Variants in OSMR observed in about 807,000 individuals in gnomAD.
OSMR encodes the protein oncostatin-M-specific receptor subunit beta.
In OSMR, 81 loss-of-function variants were observed where a neutral mutation model predicts 99.9. That is an observed-to-expected ratio of 0.81 (90% CI 0.68 to 0.97). The LOEUF is 0.97. OSMR is among the 50% of genes least tolerant of loss of function. The pLI is 0.00. For missense variants in OSMR, 1,099 were observed against 1,153.4 expected, an observed-to-expected ratio of 0.95 and a Z score of 0.68; for synonymous variants, 406 against 410.4, an observed-to-expected ratio of 0.99 and a Z score of 0.13.
In OSMR at chr5:38,933,397, AGCC is replaced by A; in HGVS notation, c.2894_2896del (p.Ser965_Leu966delinsIle). The stretch of plus-strand genomic sequence containing the variant: ...CTTGCCTCCCCCGACCGAGAATAGC[AGCC>A]TCTCCTCAATTACCCTTTTAGATCC... On this transcript the variant is annotated inframe_deletion, in exon 18 of 18. Transcript: ENST00000274276. 6.2e-7 allele frequency: 1 copy of A among 1,614,014 alleles called. No homozygotes were observed. The highest frequency in any genetic ancestry group is 8.5e-7 in the Non-Finnish European group (1 of 1,179,898).
In OSMR at chr5:38,860,005, G is replaced by A. The variant is rs189926157; in HGVS notation, c.-13-9027G>A. 5.8e-3 allele frequency among the ~76,000 whole-genome samples: 883 copies of A among 152,206 alleles called. 16 individuals carry two copies. The highest frequency in any genetic ancestry group is 0.02 in the African/African-American group (847 of 41,542). ...GGAGTCTAGGTTTTTATATATACAA[G>A]ATCATGACATCTGTAAATGGGGACA... On this transcript the variant is annotated intron_variant, in intron 1 of 17. Coordinates refer to ENST00000274276, the MANE Select transcript of OSMR (RefSeq NM_003999.3).
At chr5:38,876,157 G>A in intron 2 of OSMR, 44 bp from the exon 3 acceptor site, 30 of 1,588,404 alleles carry the variant, frequency 1.9e-5, no homozygotes, top group Non-Finnish European at 2.5e-5. Context: ...CTTCAATCAT[G>A]CTCCTATTAA....
At chr5:38,913,549 CAAA>C (rs528979345) in intron 9 of OSMR, among the ~76,000 whole-genome samples, 51,314 of 123,198 alleles carry the variant, frequency 0.42, 9,227 homozygotes, top group Middle Eastern at 0.5. Context: ...GACTCCATCT[CAAA>C]AAAAAAAAAA....
chr5:38,851,803 C>A (rs140189876), intron 1 of OSMR, among the ~76,000 whole-genome samples: 1 of 152,150 alleles, frequency 6.6e-6, no homozygotes, highest in Admixed American at 6.5e-5. Context: ...GAACCCAGTA[C>A]GAGATAACGG....
intron 9 of OSMR, among the ~76,000 whole-genome samples, chr5:38,914,658 A>G (rs1745796789): frequency 6.6e-6 from 1 of 152,232 alleles, no homozygotes. Flanking sequence ...CCATGGAATA[A>G]ATAATGAAAT....
At chr5:38,925,885 T>A (rs534185099) in intron 15 of OSMR, among the ~76,000 whole-genome samples, 33 of 152,256 alleles carry the variant, frequency 2.2e-4, no homozygotes, top group African/African-American at 7.5e-4. Context: ...GGGGTGGGAA[T>A]TGAGCAGGGG....
intron 8 of OSMR, 146 bp downstream of exon 8, chr5:38,904,170 A>G (rs978863837): frequency 6.5e-7 from 1 of 1,526,852 alleles, no homozygotes; most frequent in Non-Finnish European, 8.8e-7. Flanking sequence ...CATGAAATTA[A>G]TCATACACTT....
In OSMR at chr5:38,884,018, C is replaced by A; in HGVS notation, c.610C>A (p.Pro204Thr). The A allele has an allele frequency of 6.2e-7, 1 of 1,613,286 alleles. No individual in the cohort carries two copies. ...AACTGCATTCAACTTGAATAGTGTGCCTTTCATTAGGAATAAAGGGACAAA... is the reference window on the plus strand; with the variant it reads ...AACTGCATTCAACTTGAATAGTGTGACTTTCATTAGGAATAAAGGGACAAA... ...HVTAFNLNSV[P>T]FIRNKGTNIY... The change falls in exon 5 of 18, where the codon CCT (proline) becomes ACT (threonine). Residue 204 changes from proline (P) to threonine (T), a missense_variant. Physicochemically the swap from Pro to Thr is conservative, Grantham distance 38 (BLOSUM62 -1). Coordinates refer to ENST00000274276, the MANE Select transcript of OSMR (RefSeq NM_003999.3).
At chr5:38,885,852 C>T in intron 6 of OSMR, 187 bp from the exon 7 acceptor site, 2 of 982,774 alleles carry the variant, frequency 2.0e-6, no homozygotes, top group Non-Finnish European at 1.2e-6. Context: ...GACATTTCAG[C>T]ACGTATGTCA....
chr5:38,919,524 C>A, intron 11 of OSMR: 4 of 364,060 alleles, frequency 1.1e-5, no homozygotes, highest in Non-Finnish European at 2.0e-5. Context: ...CAGACTCTGC[C>A]AACTTTGTAG....
At chr5:38,870,174 T>C (rs183518646) in intron 2 of OSMR, among the ~76,000 whole-genome samples, 63 of 152,258 alleles carry the variant, frequency 4.1e-4, no homozygotes, top group Admixed American at 4.0e-3. Flanking sequence ...AAAACCATAG[T>C]TTGATGTTAG....
chr5:38,944,319 G>T, exon 2 of OSMR: 1 of 907,306 alleles, frequency 1.1e-6, no homozygotes, highest in South Asian at 1.4e-5. Context: ...GCCTCACACA[G>T]GTATGCAATG....
intron 11 of OSMR, chr5:38,919,456 C>G: frequency 3.8e-6 from 3 of 782,700 alleles, no homozygotes; most frequent in Non-Finnish European, 5.4e-6. Flanking sequence ...GTCTTTGCAC[C>G]TGGAAAGAGT....
chr5:38,908,385 A>G (rs946729050), intron 9 of OSMR, among the ~76,000 whole-genome samples: 3 of 152,128 alleles, frequency 2.0e-5, no homozygotes, highest in Admixed American at 6.5e-5. Context: ...CCCTACTCTC[A>G]GAGGTACCCC....
chr5:38,921,531 T>C, intron 11 of OSMR, 84 bp from the exon 12 acceptor site: 1 of 1,601,094 alleles, frequency 6.2e-7, no homozygotes, highest in Non-Finnish European at 8.5e-7. Flanking sequence ...ACAGTGCATG[T>C]ATGTATTTAC....
chr5:38,852,273 A>G (rs1740433844), intron 1 of OSMR, among the ~76,000 whole-genome samples: 1 of 152,194 alleles, frequency 6.6e-6, no homozygotes, highest in Non-Finnish European at 1.5e-5. Flanking sequence ...TGCGTACAAC[A>G]TGTGCAATAC....
At chr5:38,943,570 T>C (rs1016734289) in intron 1 of OSMR, among the ~76,000 whole-genome samples, 2 of 152,066 alleles carry the variant, frequency 1.3e-5, no homozygotes, top group South Asian at 2.1e-4. Context: ...TCCCAGCACT[T>C]TGGGAGGCTG....
chr5:38,891,955 G>A (rs952256786), intron 7 of OSMR, among the ~76,000 whole-genome samples: 4 of 152,038 alleles, frequency 2.6e-5, no homozygotes, highest in South Asian at 2.1e-4. Context: ...CACCCCTGCC[G>A]CCCTTCTCCG....
In OSMR at chr5:38,931,998, G is replaced by A. The variant is rs1746773341; in HGVS notation, c.2294+34G>A. 6.8e-7 allele frequency: 1 copy of A among 1,473,220 alleles called. No homozygotes were observed. The highest frequency in any genetic ancestry group is 9.5e-7 in the Non-Finnish European group (1 of 1,052,048). The allele number at this position is 1,473,220 out of a possible 1,614,324, so 91.3% of individuals were successfully genotyped here. A position where few individuals can be genotyped will look rare whatever the true frequency, so the allele number is the denominator to read the frequency against. ...GTGAGGAAGGTTTTATCCAAGAAGA[G>A]AGTAAGAGAAAAGTCTGGAAAGAGA... On this transcript the variant is annotated intron_variant, in intron 16 of 17. Transcript: ENST00000274276.
Sources: allele counts gnomAD v4.1 joint callset (sites outside exome capture counted in the v4.1 genomes callset), GRCh38; gene constraint gnomAD v4.1.1; transcripts MANE v1.5; gene names NCBI Gene and HGNC (gene_info 2026-07-23, HGNC 2026-07-21).